Variants in RPRD1B observed in about 807,000 individuals in gnomAD.
The protein encoded by RPRD1B is regulation of nuclear pre-mRNA domain-containing protein 1B.
A neutral mutation model predicts 41.5 loss-of-function variants in RPRD1B; 11 were observed. The ratio of observed to expected loss-of-function variants is 0.27; its 90% CI spans 0.17 to 0.44. The LOEUF (loss-of-function observed/expected upper bound fraction) is 0.44, where lower values mean the gene tolerates loss of function less well. RPRD1B is among the 20% of genes least tolerant of loss of function. The pLI, the probability that RPRD1B is intolerant of heterozygous loss-of-function variation, is 1.00. For missense variants in RPRD1B, 248 were observed against 389.9 expected (o/e 0.64, Z 3.06); for synonymous variants, 158 against 155.6 (o/e 1.02, Z -0.12).
At chr20:38,042,319 A>G (rs1183833753) in intron 2 of RPRD1B, among the ~76,000 whole-genome samples, 1 of 152,082 alleles carries the variant, frequency 6.6e-6, no homozygotes, top group Non-Finnish European at 1.5e-5. Context: ...ATACCACTGC[A>G]CTCCAGGTTT....
chr20:38,034,224 G>T, intron 1 of RPRD1B, 126 bp downstream of exon 1: 1 of 1,080,750 alleles, frequency 9.3e-7, no homozygotes, highest in South Asian at 1.7e-5. Flanking sequence ...TCTGAGATGG[G>T]AGACAAAGTT....
chr20:38,043,891 A>G (rs975963032), intron 2 of RPRD1B, among the ~76,000 whole-genome samples: 23 of 152,208 alleles, frequency 1.5e-4, no homozygotes, highest in African/African-American at 5.3e-4. Context: ...TGGCTAGTGA[A>G]TATTCCAAGG....
At chr20:38,057,708 G>A in intron 4 of RPRD1B, 64 bp downstream of exon 4, 1 of 1,190,286 alleles carries the variant, frequency 8.4e-7, no homozygotes, top group South Asian at 1.2e-5. Flanking sequence ...TGAAGACTAT[G>A]GCCACAAGGT....
intron 6 of RPRD1B, among the ~76,000 whole-genome samples, chr20:38,080,897 T>C (rs189259233): frequency 7.3e-4 from 111 of 152,348 alleles, no homozygotes; most frequent in African/African-American, 1.8e-3. Flanking sequence ...ACCATTTCCA[T>C]GCTGTTTTAG....
intron 1 of RPRD1B, among the ~76,000 whole-genome samples, chr20:38,035,372 G>C (rs1016358956): frequency 6.6e-6 from 1 of 152,190 alleles, no homozygotes; most frequent in African/African-American, 2.4e-5. Flanking sequence ...TACTATCTGT[G>C]AGTTGGGGAC....
chr20:38,080,739 G>C (rs531406142), intron 6 of RPRD1B, among the ~76,000 whole-genome samples: 2 of 152,210 alleles, frequency 1.3e-5, no homozygotes, highest in South Asian at 4.2e-4. Flanking sequence ...TGGCCAGCCT[G>C]GTCTCGAACT....
chr20:38,070,548 A>G (rs1464844581), intron 6 of RPRD1B: 1 of 984,976 alleles, frequency 1.0e-6, no homozygotes, highest in Non-Finnish European at 1.2e-6. Flanking sequence ...CTCAAAGCTC[A>G]TAAGACATAG....
intron 6 of RPRD1B, among the ~76,000 whole-genome samples, chr20:38,068,688 C>A (rs903004535): frequency 1.3e-5 from 2 of 152,188 alleles, no homozygotes; most frequent in African/African-American, 4.8e-5. Context: ...TAGTTCTTTT[C>A]TTTATCCACG....
At chr20:38,039,587 A>G (rs1332230649) in intron 1 of RPRD1B, among the ~76,000 whole-genome samples, 1 of 151,682 alleles carries the variant, frequency 6.6e-6, no homozygotes, top group African/African-American at 2.4e-5. Flanking sequence ...TATTTTTAGT[A>G]GAGACGGGGT....
Position 38,034,721 on chromosome 20 carries a change from T to TA in RPRD1B, c.151+624dup, listed in dbSNP as rs139750573. ...TTAGGTTAAGGGGCCACCCAGACCT[T>TA]ACCTCTCCTCTCCTCTCCTCTCTCA... On this transcript the variant is annotated intron_variant, in intron 1 of 6. Transcript: ENST00000373433. Among the ~76,000 whole-genome samples, 316 of 152,256 alleles carry TA rather than the reference T, an allele frequency of 2.1e-3. 1 individual carries two copies. Among genetic ancestry groups the TA allele is most frequent in the African/African-American group, 7.3e-3 (302 of 41,548 alleles).
intron 3 of RPRD1B, among the ~76,000 whole-genome samples, chr20:38,055,456 T>A (rs1159314337): frequency 6.6e-6 from 1 of 152,188 alleles, no homozygotes; most frequent in Non-Finnish European, 1.5e-5. Flanking sequence ...TGCAGTTTTT[T>A]TTTTTTGTTA....
intron 1 of RPRD1B, among the ~76,000 whole-genome samples, chr20:38,038,307 A>ATT (rs557260550): frequency 6.7e-5 from 9 of 134,896 alleles, no homozygotes; most frequent in Non-Finnish European, 1.1e-4. Flanking sequence ...CTGTAGCTAC[A>ATT]TTTTTTTTTT....
chr20:38,054,430 T>G (rs1244132203), intron 3 of RPRD1B, among the ~76,000 whole-genome samples: 1 of 152,160 alleles, frequency 6.6e-6, no homozygotes, highest in Non-Finnish European at 1.5e-5. Flanking sequence ...GATTTCTTAT[T>G]TTAAGTCTTG....
Position 38,091,168 on chromosome 20 carries a change from T to A in RPRD1B, c.*1293T>A, listed in dbSNP as rs1294171474. On this transcript the variant is annotated 3_prime_UTR_variant, in exon 7 of 7. Transcript: ENST00000373433. The stretch of plus-strand genomic sequence containing the variant: ...ACATTGGAAAGGGCAGAAAGCGATT[T>A]GCCCCAGTAGTGTAATAGGAGTTAT... The A allele has an allele frequency of 3.0e-6, 3 of 985,714 alleles. No homozygotes were observed. The African/African-American group carries it at 5.2e-5, about 17-fold the overall frequency. The allele number at this position is 985,714 out of a possible 1,614,324, so 61.1% of individuals were successfully genotyped here. A position where few individuals can be genotyped will look rare whatever the true frequency, so the allele number is the denominator to read the frequency against.
At chr20:38,065,990 A>T in intron 5 of RPRD1B, 91 bp from the exon 6 acceptor site, 1 of 1,266,566 alleles carries the variant, frequency 7.9e-7, no homozygotes, top group Non-Finnish European at 1.1e-6. Flanking sequence ...GTATATTGGG[A>T]GAGAAACCGT....
chr20:38,056,168 C>G (rs2074238681), intron 3 of RPRD1B, among the ~76,000 whole-genome samples: 2 of 152,108 alleles, frequency 1.3e-5, no homozygotes, highest in African/African-American at 4.8e-5. Flanking sequence ...GGGTGGGTCA[C>G]TGGAGGCCAG....
chr20:38,072,320 A>G (rs182763820), intron 6 of RPRD1B, among the ~76,000 whole-genome samples: 16 of 152,302 alleles, frequency 1.1e-4, no homozygotes, highest in South Asian at 2.1e-4. Context: ...TCAAAAATCA[A>G]TTGGCCACAG....
At chr20:38,046,470 C>T (rs1321030104) in intron 2 of RPRD1B, among the ~76,000 whole-genome samples, 1 of 152,160 alleles carries the variant, frequency 6.6e-6, no homozygotes, top group Non-Finnish European at 1.5e-5. Context: ...ATCTGCACCC[C>T]TGTGGAAATT....
intron 6 of RPRD1B, among the ~76,000 whole-genome samples, chr20:38,066,518 G>A (rs1243450433): frequency 1.3e-5 from 2 of 152,146 alleles, no homozygotes; most frequent in African/African-American, 4.8e-5. Flanking sequence ...TCTTAATATT[G>A]CTTTCGTTTG....
Sources: allele counts gnomAD v4.1 joint callset (sites outside exome capture counted in the v4.1 genomes callset), GRCh38; gene constraint gnomAD v4.1.1; transcripts MANE v1.5; gene names NCBI Gene and HGNC (gene_info 2026-07-23, HGNC 2026-07-21).